The following GPM6A variants were observed in gnomAD, a reference collection of about 807,000 sequenced individuals.
The protein encoded by GPM6A is glycoprotein M6A, also known as neuronal membrane glycoprotein M6-a.
In GPM6A, 7 loss-of-function variants were observed where a neutral mutation model predicts 32.1. That is an observed-to-expected ratio of 0.22 (90% CI 0.12 to 0.41). GPM6A has a LOEUF of 0.41. GPM6A is among the 10% of genes least tolerant of loss of function. The pLI, the probability that GPM6A is intolerant of heterozygous loss-of-function variation, is 1.00. For synonymous variants in GPM6A, 130 were observed against 123.4 expected, an observed-to-expected ratio of 1.05 and a Z score of -0.35; for missense variants, 235 against 347.2, an observed-to-expected ratio of 0.68 and a Z score of 2.57.
chr4:175,902,941 A>T (rs1392891209), intron 1 of GPM6A, among the ~76,000 whole-genome samples: 2 of 152,158 alleles, frequency 1.3e-5, no homozygotes, highest in Non-Finnish European at 2.9e-5. Context: ...CTAATCTATG[A>T]TAAATAAATA....
At chr4:175,829,737 G>GAT (rs1444785121) in intron 1 of GPM6A, among the ~76,000 whole-genome samples, 30 of 146,020 alleles carry the variant, frequency 2.1e-4, no homozygotes, top group Admixed American at 1.2e-3. Flanking sequence ...AAATATATAA[G>GAT]ATATATATAT....
chr4:175,644,836 G>C (rs1741363017), intron 4 of GPM6A, among the ~76,000 whole-genome samples: 1 of 152,198 alleles, frequency 6.6e-6, no homozygotes, highest in South Asian at 2.1e-4. Context: ...GCCAGGCGCA[G>C]TGGCTCACGC....
At chr4:175,648,154 GA>G (rs773944986) in intron 4 of GPM6A, among the ~76,000 whole-genome samples, 11 of 151,928 alleles carry the variant, frequency 7.2e-5, no homozygotes, top group Non-Finnish European at 1.6e-4. Flanking sequence ...ATGAACTAAT[GA>G]GATTGAAATA....
chr4:175,658,205 C>T (rs1325179174), intron 3 of GPM6A, among the ~76,000 whole-genome samples: 1 of 151,234 alleles, frequency 6.6e-6, no homozygotes, highest in Non-Finnish European at 1.5e-5. Flanking sequence ...AACCCCAGCA[C>T]ATCTAGATAA....
rs1454211824 is a variant in GPM6A at position 175,930,388 on chromosome 4, T to TAA, written c.-23+71919_-23+71920dup. ...GAAAAGCATAACATAAGCTTAAACT[T>TAA]AAAAAAAAAATCTTTAGAGGCTTTT... On this transcript the variant is annotated intron_variant, in intron 1 of 7. Coordinates refer to the GPM6A transcript ENST00000280187. 2.0e-3 allele frequency among the ~76,000 whole-genome samples: 280 copies of TAA among 138,098 alleles called. 2 individuals are homozygous for TAA. Among genetic ancestry groups the TAA allele is most frequent in the African/African-American group, 6.5e-3 (257 of 39,324 alleles). 90.6% of individuals were successfully genotyped at this position (138,098 alleles called of 152,430 possible). A position where few individuals can be genotyped will look rare whatever the true frequency, so the allele number is the denominator to read the frequency against.
At chr4:175,907,404 AC>A (rs1738164884) in intron 1 of GPM6A, 1 of 152,150 alleles carries the variant, frequency 6.6e-6, no homozygotes, top group Non-Finnish European at 1.5e-5. Flanking sequence ...GACCTTCTAG[AC>A]ATAGTTCAAA....
intron 1 of GPM6A, among the ~76,000 whole-genome samples, chr4:175,823,643 G>T (rs895310100): frequency 6.6e-6 from 1 of 152,158 alleles, no homozygotes; most frequent in Admixed American, 6.5e-5. Flanking sequence ...GGTGCATAGA[G>T]GACTGATGAG....
chr4:175,635,174 A>T, intron 6 of GPM6A, 117 bp from the exon 7 acceptor site: 1 of 722,820 alleles, frequency 1.4e-6, no homozygotes, highest in Non-Finnish European at 2.3e-6. Context: ...TCACATATAA[A>T]ATGGAAACAA....
chr4:175,779,341 T>C (rs1034816368), intron 1 of GPM6A, among the ~76,000 whole-genome samples: 1 of 152,210 alleles, frequency 6.6e-6, no homozygotes, highest in Non-Finnish European at 1.5e-5. Flanking sequence ...TTCAGCTTTA[T>C]AATGTATACT....
chr4:175,994,031 G>A (rs979362099), intron 1 of GPM6A, among the ~76,000 whole-genome samples: 1 of 152,152 alleles, frequency 6.6e-6, no homozygotes, highest in Non-Finnish European at 1.5e-5. Context: ...AAGATAGAGA[G>A]AAAGGAGAGT....
At chr4:175,715,391 G>T (rs770842500) in intron 1 of GPM6A, among the ~76,000 whole-genome samples, 4 of 152,188 alleles carry the variant, frequency 2.6e-5, no homozygotes, top group Non-Finnish European at 4.4e-5. Flanking sequence ...TAGGTCTGCG[G>T]TCATCTGAAT....
chr4:175,986,247 C>G (rs1740971226), intron 1 of GPM6A, among the ~76,000 whole-genome samples: 2 of 152,146 alleles, frequency 1.3e-5, no homozygotes, highest in Admixed American at 6.6e-5. Context: ...TTTTAGGACA[C>G]TTTTAGGCCA....
At chr4:175,703,368 T>C (rs1744987330) in intron 1 of GPM6A, among the ~76,000 whole-genome samples, 1 of 152,118 alleles carries the variant, frequency 6.6e-6, no homozygotes, top group African/African-American at 2.4e-5. Flanking sequence ...GACGGGGTTT[T>C]GCCATGTTGG....
intron 1 of GPM6A, among the ~76,000 whole-genome samples, chr4:175,951,616 C>T (rs1046986600): frequency 6.6e-6 from 1 of 152,116 alleles, no homozygotes; most frequent in African/African-American, 2.4e-5. Context: ...AGAATACGCA[C>T]AGTTAATAAG....
At chr4:175,743,404 A>G (rs948498023) in intron 1 of GPM6A, among the ~76,000 whole-genome samples, 9 of 152,056 alleles carry the variant, frequency 5.9e-5, no homozygotes, top group African/African-American at 1.7e-4. Context: ...TAAAGGAATT[A>G]ATACTAACAA....
chr4:175,644,184 C>G (rs924709992), intron 4 of GPM6A, among the ~76,000 whole-genome samples: 1 of 133,788 alleles, frequency 7.5e-6, no homozygotes, highest in African/African-American at 2.8e-5. Context: ...ACTGCAGTGG[C>G]GCTATCTCGG....
chr4:175,751,117 C>A (rs893721536), intron 1 of GPM6A, among the ~76,000 whole-genome samples: 2 of 151,870 alleles, frequency 1.3e-5, no homozygotes, highest in African/African-American at 4.8e-5. Flanking sequence ...AATTTATATT[C>A]TAAATGTCTG....
chr4:175,685,795 A>G (rs1240553758), intron 2 of GPM6A, among the ~76,000 whole-genome samples: 2 of 152,096 alleles, frequency 1.3e-5, no homozygotes, highest in African/African-American at 4.8e-5. Context: ...TAGAGTTGTG[A>G]CATTTTTATA....
chr4:175,891,909 C>A (rs1243042712), intron 1 of GPM6A, among the ~76,000 whole-genome samples: 2 of 152,170 alleles, frequency 1.3e-5, no homozygotes, highest in African/African-American at 4.8e-5. Flanking sequence ...CATAATATTG[C>A]AAGCTGTGAT....
Sources: gnomAD v4.1 joint callset for allele counts (sites outside exome capture counted in the v4.1 genomes callset) on GRCh38, gnomAD v4.1.1 for gene constraint, MANE v1.5 for transcripts, NCBI Gene and HGNC (gene_info 2026-07-23, HGNC 2026-07-21) for gene names.